The following KANK1 variants were observed in gnomAD, a reference collection of about 807,000 sequenced individuals.
KANK1 encodes the protein KN motif and ankyrin repeat domain-containing protein 1.
In KANK1, 109 loss-of-function variants were observed where a neutral mutation model predicts 106.2. The observed-to-expected ratio is 1.03, with a 90% CI of 0.88 to 1.20. KANK1 has a LOEUF of 1.20. Ranked by LOEUF, KANK1 falls within the 50% of genes most tolerant of loss-of-function variation. KANK1 has a pLI of 0.00. For missense variants in KANK1, 2,399 were observed against 1,710.7 expected (o/e 1.40, Z -7.10); for synonymous variants, 873 against 652.2 (o/e 1.34, Z -5.16).
At chr9:581,347 G>C (rs1255233749) in intron 1 of KANK1, among the ~76,000 whole-genome samples, 1 of 152,208 alleles carries the variant, frequency 6.6e-6, no homozygotes, top group Non-Finnish European at 1.5e-5. Flanking sequence ...ACATGGCATT[G>C]GTGGCAAGTG....
intron 3 of KANK1, among the ~76,000 whole-genome samples, chr9:493,342 C>T (rs2058408446): frequency 6.6e-6 from 1 of 152,224 alleles, no homozygotes; most frequent in South Asian, 2.1e-4. Flanking sequence ...GCTGAGCCTC[C>T]TTAGAAGAGT....
intron 1 of KANK1, among the ~76,000 whole-genome samples, chr9:574,801 G>T (rs577652730): frequency 6.7e-6 from 1 of 148,700 alleles, no homozygotes; most frequent in Admixed American, 6.7e-5. Context: ...GTTGCAGTGA[G>T]CCGAGATTGC....
In KANK1 at chr9:740,932, C is replaced by G. The variant is rs377603639; in HGVS notation, c.3694C>G (p.Gln1232Glu). 78 of 1,613,946 alleles carry G rather than the reference C, an allele frequency of 4.8e-5. No homozygotes were observed. Among genetic ancestry groups the G allele is most frequent in the African/African-American group, 1.1e-4 (8 of 74,948 alleles). Residue 1232 changes from glutamine (Q) to glutamate (E), a missense_variant and splice_region_variant, in exon 9 of 12, where the codon CAG (glutamine) becomes GAG (glutamate). By Grantham distance (29) the Gln-to-Glu change is conservative (BLOSUM62 2). Transcript: ENST00000382297. ...TGGGGATGTGAATGCCAAAGCTAGT[C>G]AGGTTAGTGCGCCTGGTTCCTGTGC... ...GCGDVNAKAS[Q>E]AGQTALMLAV...
rs896636509 is a variant in KANK1, at chr9:597,814, T to C, written c.-83-79076T>C. On this transcript the variant is annotated intron_variant, in intron 1 of 11. Transcript: ENST00000382297. ...GGGTAGCTGGGATTACAGGCATGCA[T>C]CACCACGCCTGGCTAATTTTTTTGT... is the stretch of plus-strand genomic sequence containing the variant. Among the ~76,000 whole-genome samples the C allele has an allele frequency of 2.0e-5, 3 of 151,244 alleles. No homozygotes were observed. The South Asian group carries it at 6.3e-4, about 32-fold the overall frequency.
intron 1 of KANK1, among the ~76,000 whole-genome samples, chr9:587,287 T>C (rs1317982023): frequency 1.3e-5 from 1 of 76,220 alleles, no homozygotes; most frequent in African/African-American, 3.5e-5. Context: ...AAATGTATGA[T>C]TGAGAAAAGA....
At chr9:493,997 C>G (rs2058419713) in intron 3 of KANK1, among the ~76,000 whole-genome samples, 1 of 152,060 alleles carries the variant, frequency 6.6e-6, no homozygotes, top group Non-Finnish European at 1.5e-5. Flanking sequence ...ATTCTCCTGC[C>G]TCAGCCTCCT....
chr9:509,661 C>T (rs2058941683), intron 1 of KANK1, among the ~76,000 whole-genome samples: 1 of 152,182 alleles, frequency 6.6e-6, no homozygotes, highest in Non-Finnish European at 1.5e-5. Flanking sequence ...TTGTGGAAAT[C>T]ATCTTTGTGC....
chr9:622,230 TC>T (rs1470311735), intron 1 of KANK1, among the ~76,000 whole-genome samples: 2 of 152,162 alleles, frequency 1.3e-5, no homozygotes, highest in African/African-American at 4.8e-5. Context: ...ATAAAAGACT[TC>T]CCTTGGAGCA....
At chr9:568,558 T>C (rs1369822117) in intron 1 of KANK1, among the ~76,000 whole-genome samples, 1 of 152,144 alleles carries the variant, frequency 6.6e-6, no homozygotes, top group Non-Finnish European at 1.5e-5. Context: ...GGTGCAGTCA[T>C]GGCATGCTTT....
At chr9:684,384 T>C in intron 2 of KANK1, 11 of 985,352 alleles carry the variant, frequency 1.1e-5, no homozygotes, top group Non-Finnish European at 1.3e-5. Flanking sequence ...ACCAACTTTA[T>C]AGGTGCCAAC....
chr9:570,890 A>G (rs953754309), intron 1 of KANK1, among the ~76,000 whole-genome samples: 1 of 152,184 alleles, frequency 6.6e-6, no homozygotes, highest in South Asian at 2.1e-4. Context: ...ACTTTTTGCT[A>G]TTATAATGGG....
chr9:508,285 C>G (rs2885067), intron 1 of KANK1, among the ~76,000 whole-genome samples: 22,417 of 151,408 alleles, frequency 0.15, 3,185 homozygotes, highest in African/African-American at 0.37. Context: ...TTGCAGGCAT[C>G]TGCCACCATG....
intron 1 of KANK1, among the ~76,000 whole-genome samples, chr9:591,094 A>C (rs1493998): frequency 0.013 from 2,021 of 151,826 alleles, 104 homozygotes; most frequent in African/African-American, 0.046. Context: ...TTTTCTGTTC[A>C]TATCCTTTGC....
chr9:610,332 C>G (rs916762441), intron 1 of KANK1, among the ~76,000 whole-genome samples: 3 of 152,046 alleles, frequency 2.0e-5, no homozygotes, highest in Non-Finnish European at 4.4e-5. Flanking sequence ...TCCTGCTCTC[C>G]AAAGTGAACC....
chr9:679,391 C>T (rs1403439619), intron 2 of KANK1, among the ~76,000 whole-genome samples: 2 of 151,648 alleles, frequency 1.3e-5, no homozygotes, highest in East Asian at 1.9e-4. Context: ...AATGTGTGTA[C>T]ACCATATATA....
intron 1 of KANK1, among the ~76,000 whole-genome samples, chr9:669,755 G>A (rs1845476952): frequency 6.6e-6 from 1 of 151,902 alleles, no homozygotes. Context: ...TCCTCTACCT[G>A]GATATTTTTC....
intron 1 of KANK1, among the ~76,000 whole-genome samples, chr9:644,093 T>C (rs901344500): frequency 1.3e-5 from 2 of 151,064 alleles, no homozygotes; most frequent in African/African-American, 5.0e-5. Context: ...ATGCAGTGAT[T>C]ACATTGGTTC....
intron 1 of KANK1, among the ~76,000 whole-genome samples, chr9:646,977 C>T (rs1839813945): frequency 6.6e-6 from 1 of 150,928 alleles, no homozygotes; most frequent in Admixed American, 6.6e-5. Context: ...GGATTACCGG[C>T]GTGAGCTACT....
At chr9:550,346 G>A (rs986984928) in intron 1 of KANK1, among the ~76,000 whole-genome samples, 1 of 152,170 alleles carries the variant, frequency 6.6e-6, no homozygotes, top group African/African-American at 2.4e-5. Flanking sequence ...TAATAATACA[G>A]TGCCTAGCCA....
Sources: allele counts gnomAD v4.1 joint callset (sites outside exome capture counted in the v4.1 genomes callset), GRCh38; gene constraint gnomAD v4.1.1; transcripts MANE v1.5; gene names NCBI Gene and HGNC (gene_info 2026-07-23, HGNC 2026-07-21).